Variants in UBE2M observed in about 807,000 individuals in gnomAD.
UBE2M encodes the protein NEDD8-conjugating enzyme Ubc12.
In UBE2M, 2 loss-of-function variants were observed where a neutral mutation model predicts 23.5. The ratio of observed to expected loss-of-function variants is 0.09; its 90% confidence interval spans 0.03 to 0.27. UBE2M has a LOEUF of 0.27. Among genes scored for constraint, UBE2M ranks in the 10% least tolerant of loss-of-function variants. The probability of loss-of-function intolerance (pLI) is 1.00; values close to 1 mark genes in which losing one functional copy is unlikely to be tolerated. For synonymous variants in UBE2M, 97 were observed against 95.2 expected, an observed-to-expected ratio of 1.02 and a Z score of -0.11; for missense variants, 103 against 232.9, an observed-to-expected ratio of 0.44 and a Z score of 3.63.
rs1247395664 is a variant in UBE2M at position 58,557,278 on chromosome 19, A to ACCCCCAGGCGCCTCTCCTGGG, written c.110-142_110-122dup. 8 of 987,182 alleles carry ACCCCCAGGCGCCTCTCCTGGG rather than the reference A, an allele frequency of 8.1e-6. No homozygotes were observed. The African/African-American group carries it at 9.6e-5, about 12-fold the overall frequency. The allele number at this position is 987,182 out of a possible 1,614,324, so 61.2% of individuals were successfully genotyped here. A position where few individuals can be genotyped will look rare whatever the true frequency, so the allele number is the denominator to read the frequency against. On this transcript the variant is annotated intron_variant, in intron 1 of 5. Coordinates refer to ENST00000253023, the MANE Select transcript of UBE2M (RefSeq NM_003969.4). ...CAGAGCCCCCATCGTCTCCTCCTGG[A>ACCCCCAGGCGCCTCTCCTGGG]CCCCCAGGCGCCTCTCCTGGGCTGT...
chr19:58,556,104 C>G lies in UBE2M; in HGVS notation c.537G>C (p.Glu179Asp). ...RGGYIGSTYF[E>D]RCLK ...TGCGCCAACCCTATTTCAGGCAGCG[C>G]TCAAAGTAGGTGGAGCCGATGTAGC... is the stretch of plus-strand genomic sequence containing the variant. Residue 179 changes from glutamate (E) to aspartate (D), a missense_variant, in exon 6 of 6, where the codon GAG (glutamate) becomes GAC (aspartate). Physicochemically the swap from Glu to Asp is conservative, Grantham distance 45 (BLOSUM62 2). Coordinates refer to ENST00000253023, the MANE Select transcript of UBE2M (RefSeq NM_003969.4). The surrounding 1 kb of genome is among the most constrained non-coding windows in gnomAD (Gnocchi z 4.9). 3.1e-6 allele frequency: 5 copies of G among 1,610,968 alleles called. No homozygotes were observed. The highest frequency in any genetic ancestry group is 4.2e-6 in the Non-Finnish European group (5 of 1,179,014).
At chr19:58,557,241 G>C in intron 1 of UBE2M, 84 bp from the exon 2 acceptor site, 3 of 1,425,116 alleles carry the variant, frequency 2.1e-6, no homozygotes, top group Non-Finnish European at 3.0e-6. Flanking sequence ...ACTTAGGGCG[G>C]GTGTTTGTTA....
rs2053887689 is a variant in UBE2M at position 58,556,007 on chromosome 19, A to G, written c.*82T>C. The G allele has an allele frequency of 9.1e-6, 14 of 1,536,446 alleles. No individual in the cohort carries two copies. In the African/African-American group the frequency reaches 1.6e-4, roughly 18 times the overall value. The stretch of plus-strand genomic sequence containing the variant: ...GGATTCCCCCACCGGCCGCCCCCCA[A>G]ACCCCTACCCATGGCCCCCAATAAA... On this transcript the variant is annotated 3_prime_UTR_variant, in exon 6 of 6. Coordinates refer to ENST00000253023, the MANE Select transcript of UBE2M (RefSeq NM_003969.4). This position sits in a 1 kb window ranked among gnomAD's most constrained non-coding sequence, Gnocchi z 4.9.
At chr19:58,557,717 C>T (rs1339534767) in intron 1 of UBE2M, among the ~76,000 whole-genome samples, 1 of 150,798 alleles carries the variant, frequency 6.6e-6, no homozygotes, top group Non-Finnish European at 1.5e-5. Flanking sequence ...AATTTCCCCT[C>T]ACCCCTGTCT....
intron 1 of UBE2M, among the ~76,000 whole-genome samples, chr19:58,557,454 C>A (rs1409526318): frequency 2.0e-5 from 3 of 151,860 alleles, no homozygotes; most frequent in African/African-American, 7.3e-5. Flanking sequence ...CTCCCAAATG[C>A]CCCCACTCCC....
Position 58,556,400 on chromosome 19 carries a change from G to C in UBE2M, c.348-21C>G. ...CCTCTCTGTGGACAGAGAGCATCAG[G>C]GTCAGGGCTTGGTGAGTGGGAGACT... On this transcript the variant is annotated intron_variant, in intron 4 of 5. Transcript: ENST00000253023. This position sits in a 1 kb window ranked among gnomAD's most constrained non-coding sequence, Gnocchi z 4.9. 1 of 1,612,994 alleles carries C rather than the reference G, an allele frequency of 6.2e-7. No homozygotes were observed. The highest frequency in any genetic ancestry group is 8.5e-7 in the Non-Finnish European group (1 of 1,179,718).
At position 58,555,779 on chromosome 19, in the gene UBE2M, C is replaced by G. The variant is rs1022713754; in HGVS notation, c.*310G>C. 2 of 386,218 alleles carry G rather than the reference C, an allele frequency of 5.2e-6. No homozygotes were observed. The highest frequency in any genetic ancestry group is 9.7e-6 in the Non-Finnish European group (2 of 206,874). 23.9% of individuals were successfully genotyped at this position (386,218 alleles called of 1,614,324 possible). The stretch of plus-strand genomic sequence containing the variant: ...GGTGGAGGGGTGGGTTGCCTGGGCC[C>G]AGCTACCCAGGCCCGTTGCCCACCC... On this transcript the variant is annotated 3_prime_UTR_variant, in exon 6 of 6. Transcript: ENST00000253023.
chr19:58,557,111 T>C lies in UBE2M; in HGVS notation c.156A>G (p.Ser52=). The C allele has an allele frequency of 6.2e-7, 1 of 1,614,028 alleles. No individual in the cohort carries two copies. The highest frequency in any genetic ancestry group is 8.5e-7 in the Non-Finnish European group (1 of 1,179,980). ...NLPKTCDISF[S]DPDDLLNFKL... Reference sequence around the variant, plus strand: ...TGAAGTTGAGGAGGTCGTCTGGATCTGAGAAGCTGATATCACACGTCTTGG... The same window carrying C: ...TGAAGTTGAGGAGGTCGTCTGGATCCGAGAAGCTGATATCACACGTCTTGG... Residue 52 remains serine, a synonymous_variant, in exon 2 of 6, where the codon TCA becomes TCG. Coordinates refer to ENST00000253023, the MANE Select transcript of UBE2M (RefSeq NM_003969.4).
Position 58,556,629 on chromosome 19 carries a change from C to A in UBE2M, c.347+58G>T, listed in dbSNP as rs755219957. 33 of 1,433,610 alleles carry A rather than the reference C, an allele frequency of 2.3e-5. No individual in the cohort carries two copies. Among genetic ancestry groups the A allele is most frequent in the Non-Finnish European group, 3.1e-5 (33 of 1,061,222 alleles). The allele number at this position is 1,433,610 out of a possible 1,614,324, so 88.8% of individuals were successfully genotyped here. On this transcript the variant is annotated intron_variant, in intron 4 of 5. Transcript: ENST00000253023. The surrounding 1 kb of genome is among the most constrained non-coding windows in gnomAD (Gnocchi z 4.9). The stretch of plus-strand genomic sequence containing the variant: ...GAGTCTGATGTAGTGCCCACAAGAC[C>A]ATGAGGGAGGCCTGGCAGGCAGCGC...
chr19:58,557,051 A>G lies in UBE2M; in HGVS notation c.204+12T>C. On this transcript the variant is annotated intron_variant, in intron 2 of 5. Coordinates refer to ENST00000253023, the MANE Select transcript of UBE2M (RefSeq NM_003969.4). ...GGTTTGCTCCTGGGAATTCAGCCAT[A>G]TGCACCCTCACCTCATCAGGACAGA... 1 of 1,613,940 alleles carries G rather than the reference A, an allele frequency of 6.2e-7. No homozygotes were observed. The highest frequency in any genetic ancestry group is 8.5e-7 in the Non-Finnish European group (1 of 1,179,932).
chr19:58,557,206 G>C (rs2053897537), intron 1 of UBE2M, 49 bp from the exon 2 acceptor site: 4 of 1,533,080 alleles, frequency 2.6e-6, no homozygotes, highest in Non-Finnish European at 3.6e-6. Context: ...GAGGGGAAGA[G>C]AGAGAGAGAG....
Position 58,556,988 on chromosome 19 carries a change from G to C in UBE2M, c.205-58C>G. The C allele has an allele frequency of 6.2e-7, 1 of 1,613,730 alleles. No homozygotes were observed. The highest frequency in any genetic ancestry group is 8.5e-7 in the Non-Finnish European group (1 of 1,179,662). On this transcript the variant is annotated intron_variant, in intron 2 of 5. Coordinates refer to ENST00000253023, the MANE Select transcript of UBE2M (RefSeq NM_003969.4). The surrounding 1 kb of genome is among the most constrained non-coding windows in gnomAD (Gnocchi z 4.9). ...GGTTCCATCCTGTGGGGCCCGATGG[G>C]CAGAACATGTCTCCCTCCTCTCAGT...
intron 1 of UBE2M, 59 bp from the exon 2 acceptor site, chr19:58,557,216 G>C: frequency 9.4e-6 from 14 of 1,490,974 alleles, no homozygotes; most frequent in Middle Eastern, 2.2e-4. Context: ...GAGAGAGAGA[G>C]GGAGCCAGCA....
chr19:58,558,304 C>T lies in UBE2M; in HGVS notation c.78G>A (p.Lys26=), dbSNP rs1463427593. Residue 26 remains lysine, a synonymous_variant, in exon 1 of 6, where the codon AAG becomes AAA. Coordinates refer to ENST00000253023, the MANE Select transcript of UBE2M (RefSeq NM_003969.4). This position sits in a 1 kb window ranked among gnomAD's most constrained non-coding sequence, Gnocchi z 4.7. The stretch of plus-strand genomic sequence containing the variant: ...GGATCCGCAGCTGCGCCGCCGACGC[C>T]TTCTTGCTGCTGCCCTTGGTGCCGC... ...SAGGTKGSSK[K]ASAAQLRIQK... 2 of 1,603,794 alleles carry T rather than the reference C, an allele frequency of 1.2e-6. No individual in the cohort carries two copies. Among genetic ancestry groups the T allele is most frequent in the South Asian group, 2.2e-5 (2 of 90,194 alleles).
intron 1 of UBE2M, among the ~76,000 whole-genome samples, chr19:58,557,394 G>A (rs1046003969): frequency 6.6e-6 from 1 of 151,726 alleles, no homozygotes; most frequent in African/African-American, 2.4e-5. Context: ...CTGTGTATGC[G>A]TGTCCCAACT....
chr19:58,558,381 TCCTGCCGCCGCCGCCGCC>T lies in UBE2M; in HGVS notation c.-18_-1del. On this transcript the variant is annotated 5_prime_UTR_variant, in exon 1 of 6. Coordinates refer to ENST00000253023, the MANE Select transcript of UBE2M (RefSeq NM_003969.4). This position sits in a 1 kb window ranked among gnomAD's most constrained non-coding sequence, Gnocchi z 4.7. ...TGCTTCAGCGAGAACAGCTTGATCATCCTGCCGCCGCCGCCGCCGCTGCCGCCGCCGCGGGGCCCGGGA... is the reference window on the plus strand; with the variant it reads ...TGCTTCAGCGAGAACAGCTTGATCATGCTGCCGCCGCCGCGGGGCCCGGGA... The T allele has an allele frequency of 7.0e-7, 1 of 1,422,150 alleles. No individual in the cohort carries two copies. The highest frequency in any genetic ancestry group is 9.3e-7 in the Non-Finnish European group (1 of 1,076,358). The allele number at this position is 1,422,150 out of a possible 1,614,324, so 88.1% of individuals were successfully genotyped here. A position where few individuals can be genotyped will look rare whatever the true frequency, so the allele number is the denominator to read the frequency against.
In UBE2M at chr19:58,557,138, C is replaced by A. The variant is rs749927170; in HGVS notation, c.129G>T (p.Leu43=). The part of the protein sequence containing the change: ...RIQKDINELN[L]PKTCDISFSD... The stretch of plus-strand genomic sequence containing the variant: ...AGAAGCTGATATCACACGTCTTGGG[C>A]AGGTTCAGCTCGTTTATGTCTGGGT... The change falls in exon 2 of 6, where the codon CTG becomes CTT. Residue 43 remains leucine, a synonymous_variant. Coordinates refer to ENST00000253023, the MANE Select transcript of UBE2M (RefSeq NM_003969.4). 5.6e-6 allele frequency: 9 copies of A among 1,613,878 alleles called. No homozygotes were observed. The highest frequency in any genetic ancestry group is 7.6e-6 in the Non-Finnish European group (9 of 1,179,962).
chr19:58,557,760 C>T (rs553752731), intron 1 of UBE2M, among the ~76,000 whole-genome samples: 5 of 151,926 alleles, frequency 3.3e-5, no homozygotes, highest in Non-Finnish European at 7.4e-5. Flanking sequence ...CTTCCCTCCT[C>T]CACCTGTCAC....
intron 1 of UBE2M, among the ~76,000 whole-genome samples, chr19:58,557,381 C>T (rs533798635): frequency 4.4e-4 from 67 of 152,046 alleles, no homozygotes; most frequent in African/African-American, 1.4e-3. Context: ...CATGCATGTT[C>T]AGCTGTGTAT....
Sources: gnomAD v4.1 joint callset for allele counts (sites outside exome capture counted in the v4.1 genomes callset) on GRCh38, gnomAD v4.1.1 for gene constraint, Gnocchi (gnomAD v3.1) non-coding constraint, MANE v1.5 for transcripts, NCBI Gene and HGNC (gene_info 2026-07-23, HGNC 2026-07-21) for gene names.